Variants in GTF2A1 observed in about 807,000 individuals in gnomAD.
GTF2A1 encodes the protein general transcription factor IIA subunit 1.
In GTF2A1, 12 loss-of-function variants were observed where a neutral mutation model predicts 54.1. The observed-to-expected ratio is 0.22, with a 90% CI of 0.14 to 0.36. GTF2A1 has a LOEUF of 0.36. Ranked by LOEUF, GTF2A1 falls within the 10% of genes least tolerant of loss-of-function variation. GTF2A1 has a pLI of 1.00. For synonymous variants in GTF2A1, 145 were observed against 152.0 expected (o/e 0.95, Z 0.34); for missense variants, 335 against 442.2 (o/e 0.76, Z 2.17).
At chr14:81,194,913 C>T (rs756937038) in intron 6 of GTF2A1, among the ~76,000 whole-genome samples, 23 of 152,076 alleles carry the variant, frequency 1.5e-4, no homozygotes, top group Non-Finnish European at 3.1e-4. Context: ...GAGGCAAAAG[C>T]GGGCAGATCA....
At position 81,176,623 on chromosome 14, in the gene GTF2A1, C is replaced by T. The variant is rs1330381310; in HGVS notation, c.*3600G>A. Reference sequence around the variant, plus strand: ...AGGCTTAAAAAGGGAACAATATAAACTTCGTAATAATTTTCATAGCATAAT... The same window carrying T: ...AGGCTTAAAAAGGGAACAATATAAATTTCGTAATAATTTTCATAGCATAAT... On this transcript the variant is annotated 3_prime_UTR_variant, in exon 9 of 9. Transcript: ENST00000553612. 2 of 152,052 alleles carry T rather than the reference C, an allele frequency of 1.3e-5. No homozygotes were observed. The highest frequency in any genetic ancestry group is 2.9e-5 in the Non-Finnish European group (2 of 67,962). The allele number at this position is 152,052 out of a possible 1,614,324, so 9.4% of individuals were successfully genotyped here.
At chr14:81,184,568 G>A (rs1393507285) in intron 8 of GTF2A1, among the ~76,000 whole-genome samples, 1 of 151,988 alleles carries the variant, frequency 6.6e-6, no homozygotes, top group East Asian at 1.9e-4. Flanking sequence ...CCATAGTGTT[G>A]GCATTCTCCC....
At chr14:81,220,266 C>T (rs1202863705) in intron 1 of GTF2A1, among the ~76,000 whole-genome samples, 1 of 145,144 alleles carries the variant, frequency 6.9e-6, no homozygotes, top group Non-Finnish European at 1.5e-5. Flanking sequence ...CAGGCCCCAC[C>T]GGCGCCCCCG....
chr14:81,220,510 G>T lies in GTF2A1; in HGVS notation c.9C>A (p.Asn3Lys). The change falls in exon 1 of 9, where the codon AAC (asparagine) becomes AAA (lysine). Residue 3 changes from asparagine (N) to lysine (K), a missense_variant. Around this residue, in one of 2 missense-constraint regions of GTF2A1, gnomAD observed 306 missense variants for 360.4 expected, o/e 0.85. Transcript: ENST00000553612. The part of the protein sequence containing the change: MA[N>K]SANTNTVPKL... Reference sequence around the variant, plus strand: ...TTACCACGGTGTTTGTATTTGCCGAGTTCGCCATTTCCACACACAACACAA... The same window carrying T: ...TTACCACGGTGTTTGTATTTGCCGATTTCGCCATTTCCACACACAACACAA... The T allele has an allele frequency of 6.3e-7, 1 of 1,578,692 alleles. No individual in the cohort carries two copies. The highest frequency in any genetic ancestry group is 8.6e-7 in the Non-Finnish European group (1 of 1,161,954).
intron 2 of GTF2A1, among the ~76,000 whole-genome samples, chr14:81,208,760 T>C (rs548739836): frequency 1.3e-5 from 2 of 152,328 alleles, no homozygotes; most frequent in East Asian, 3.9e-4. Flanking sequence ...GAACTAGATG[T>C]GAGACCTGGA....
intron 2 of GTF2A1, among the ~76,000 whole-genome samples, chr14:81,209,150 T>G (rs993331418): frequency 7.9e-5 from 12 of 152,228 alleles, no homozygotes; most frequent in Admixed American, 2.0e-4. Context: ...CAACTTGAAT[T>G]GTATCTCCCA....
intron 1 of GTF2A1, 86 bp from the exon 2 acceptor site, chr14:81,216,600 A>G: frequency 1.6e-6 from 1 of 643,908 alleles, no homozygotes. Context: ...CAAAACGAAT[A>G]GTCATTTTGC....
At position 81,179,478 on chromosome 14, in the gene GTF2A1, G is replaced by GT. The variant is rs1892595185; in HGVS notation, c.*744dup. On this transcript the variant is annotated 3_prime_UTR_variant, in exon 9 of 9. Transcript: ENST00000553612. ...TAAAAGAAACAAATTAAGTTTTTCT[G>GT]TAAGGAAATTAAAGTTGTGGTTTCA... is the stretch of plus-strand genomic sequence containing the variant. 6.6e-6 allele frequency: 1 copy of GT among 152,146 alleles called. No individual in the cohort carries two copies. 9.4% of individuals were successfully genotyped at this position (152,146 alleles called of 1,614,324 possible). A position where few individuals can be genotyped will look rare whatever the true frequency, so the allele number is the denominator to read the frequency against.
chr14:81,192,404 G>T, intron 7 of GTF2A1, 115 bp downstream of exon 7: 2 of 731,198 alleles, frequency 2.7e-6, no homozygotes, highest in Non-Finnish European at 2.3e-6. Flanking sequence ...AAAATCTTAT[G>T]TTGTACAGCA....
chr14:81,197,444 C>T lies in GTF2A1; in HGVS notation c.443G>A (p.Gly148Asp). The change falls in exon 5 of 9, where the codon GGT (glycine) becomes GAT (aspartate). Residue 148 changes from glycine (G) to aspartate (D), a missense_variant. Physicochemically the swap from Gly to Asp is moderately conservative, Grantham distance 94. Transcript: ENST00000553612. ...ATAATLALPAGVTPVQQILTN... is the reference protein window; with the variant it reads ...ATAATLALPADVTPVQQILTN... ...TAATATCTGCTGAACAGGAGTCACACCTGCAGGGAGTGCTAAGGTAGCAGC... is the reference window on the plus strand; with the variant it reads ...TAATATCTGCTGAACAGGAGTCACATCTGCAGGGAGTGCTAAGGTAGCAGC... 1.3e-6 allele frequency: 2 copies of T among 1,592,152 alleles called. No homozygotes were observed. Among genetic ancestry groups the T allele is most frequent in the Non-Finnish European group, 1.7e-6 (2 of 1,164,596 alleles).
At chr14:81,206,625 C>A (rs1893236636) in intron 2 of GTF2A1, among the ~76,000 whole-genome samples, 1 of 152,200 alleles carries the variant, frequency 6.6e-6, no homozygotes, top group African/African-American at 2.4e-5. Flanking sequence ...ACTGAATCAG[C>A]AGCTCTGGGG....
chr14:81,189,209 T>C (rs572042594), intron 7 of GTF2A1, among the ~76,000 whole-genome samples: 36 of 152,256 alleles, frequency 2.4e-4, no homozygotes, highest in Non-Finnish European at 2.8e-4. Flanking sequence ...ACTTAAGACA[T>C]TGTATGATCA....
At chr14:81,185,685 A>G in intron 7 of GTF2A1, 65 bp from the exon 8 acceptor site, 1 of 815,962 alleles carries the variant, frequency 1.2e-6, no homozygotes, top group Non-Finnish European at 2.0e-6. Context: ...AAAAAAAAAT[A>G]TAATGACCTT....
intron 2 of GTF2A1, among the ~76,000 whole-genome samples, chr14:81,210,275 T>C (rs535088006): frequency 6.6e-6 from 1 of 152,346 alleles, no homozygotes; most frequent in South Asian, 2.1e-4. Context: ...TAATGCCAAT[T>C]ACCAAAAAGT....
rs199936906 is a variant in GTF2A1 at position 81,201,657 on chromosome 14, G to C, written c.339C>G (p.Ala113=). 3.1e-6 allele frequency: 5 copies of C among 1,606,462 alleles called. No individual in the cohort carries two copies. The highest frequency in any genetic ancestry group is 4.3e-6 in the Non-Finnish European group (5 of 1,173,436). Residue 113 remains alanine (A), a splice_region_variant and synonymous_variant, in exon 4 of 9, where the codon GCC becomes GCG. Coordinates refer to ENST00000553612, the MANE Select transcript of GTF2A1 (RefSeq NM_015859.4). ...QQVLIPASQQ[A]TAPQVIVPDS... The stretch of plus-strand genomic sequence containing the variant: ...CTGGAACAATAACTTGTGGTGCTGT[G>C]GCTACAAAAAAACAAGCGAACATGC...
chr14:81,219,849 G>A (rs556024557), intron 1 of GTF2A1, among the ~76,000 whole-genome samples: 30 of 152,304 alleles, frequency 2.0e-4, no homozygotes, highest in Admixed American at 1.9e-3. Flanking sequence ...GCTAGGCGAA[G>A]ATACGATGGG....
At position 81,203,862 on chromosome 14, in the gene GTF2A1, T is replaced by C. The variant is rs760922909; in HGVS notation, c.337+38A>G. On this transcript the variant is annotated intron_variant, in intron 3 of 8. Transcript: ENST00000553612. The stretch of plus-strand genomic sequence containing the variant: ...TCTTCTTTCATAATGACAAACTTAA[T>C]TTCCAAGTCATAAGTAGGAAAACAA... The C allele has an allele frequency of 7.9e-6, 12 of 1,514,270 alleles. No individual in the cohort carries two copies. In the South Asian group the frequency reaches 1.2e-4, roughly 16 times the overall value. The allele number at this position is 1,514,270 out of a possible 1,614,324, so 93.8% of individuals were successfully genotyped here.
At position 81,220,922 on chromosome 14, in the gene GTF2A1, G is replaced by C. The variant is rs1212895315; in HGVS notation, c.-404C>G. ...TTTATATAGCGAGCCAACAAGCTGC[G>C]CGAGCCACCACCGCCGCCGCCGCCG... On this transcript the variant is annotated 5_prime_UTR_variant, in exon 1 of 9. Transcript: ENST00000553612. The C allele has an allele frequency of 2.2e-5, 4 of 181,400 alleles. No homozygotes were observed. The highest frequency in any genetic ancestry group is 4.5e-5 in the Non-Finnish European group (4 of 88,318). The allele number at this position is 181,400 out of a possible 1,614,324, so 11.2% of individuals were successfully genotyped here. A position where few individuals can be genotyped will look rare whatever the true frequency, so the allele number is the denominator to read the frequency against.
chr14:81,221,037 G>C (rs904677424), upstream of GTF2A1: 3 of 153,198 alleles, frequency 2.0e-5, no homozygotes, highest in African/African-American at 7.2e-5. Flanking sequence ...CGCGAGAGCC[G>C]CGTGCGCAGG....
Sources: gnomAD v4.1 joint callset for allele counts (sites outside exome capture counted in the v4.1 genomes callset) on GRCh38, gnomAD v4.1.1 for gene constraint, gnomAD v4.1.1 regional missense constraint, MANE v1.5 for transcripts, NCBI Gene and HGNC (gene_info 2026-07-23, HGNC 2026-07-21) for gene names.